Variants in DYM observed in about 807,000 individuals in gnomAD.
The protein encoded by DYM is dymeclin, also known as dyggve-Melchior-Clausen syndrome protein.
Under a neutral mutation model 93.1 loss-of-function variants are expected in DYM, and 78 were observed. The ratio of observed to expected loss-of-function variants is 0.84; its 90% CI spans 0.70 to 1.01. The LOEUF is 1.01. Among genes scored for constraint, DYM ranks in the 50% least tolerant of loss-of-function variants. The pLI is 0.00. For synonymous variants in DYM, 321 were observed against 319.7 expected (o/e 1.00, Z -0.04); for missense variants, 789 against 845.0 (o/e 0.93, Z 0.82).
chr18:49,083,305 T>C (rs917889530), intron 17 of DYM, among the ~76,000 whole-genome samples: 2 of 152,244 alleles, frequency 1.3e-5, no homozygotes, highest in Admixed American at 6.5e-5. Flanking sequence ...TGGCATATTA[T>C]ACTATTTCAG....
chr18:49,366,697 T>C (rs926675528), intron 5 of DYM, among the ~76,000 whole-genome samples: 7 of 152,170 alleles, frequency 4.6e-5, no homozygotes, highest in African/African-American at 1.7e-4. Flanking sequence ...CAGACAAATA[T>C]TTTAATATTT....
At chr18:49,221,026 C>T (rs1251568264) in intron 13 of DYM, among the ~76,000 whole-genome samples, 4 of 152,044 alleles carry the variant, frequency 2.6e-5, no homozygotes, top group African/African-American at 4.8e-5. Context: ...GGCTAATATC[C>T]GGAATCTACA....
chr18:49,455,560 T>G (rs1419317315), intron 1 of DYM, among the ~76,000 whole-genome samples: 2 of 152,060 alleles, frequency 1.3e-5, no homozygotes, highest in African/African-American at 4.8e-5. Flanking sequence ...TTCAAAAAGG[T>G]TGAGTAACAT....
chr18:49,134,087 T>C (rs548686498), intron 15 of DYM, among the ~76,000 whole-genome samples: 111 of 152,182 alleles, frequency 7.3e-4, no homozygotes, highest in African/African-American at 2.6e-3. Flanking sequence ...GAGAGATAAA[T>C]AGAGGGTAAT....
chr18:49,429,203 G>A (rs995272408), intron 2 of DYM, among the ~76,000 whole-genome samples: 1 of 152,198 alleles, frequency 6.6e-6, no homozygotes, highest in African/African-American at 2.4e-5. Context: ...CTTTCAAGAA[G>A]CCTTGTGATT....
At chr18:49,113,567 A>T (rs1375695781) in intron 16 of DYM, among the ~76,000 whole-genome samples, 1 of 152,170 alleles carries the variant, frequency 6.6e-6, no homozygotes, top group Non-Finnish European at 1.5e-5. Context: ...ATCAACTCTC[A>T]ACTCCCTGCC....
intron 2 of DYM, among the ~76,000 whole-genome samples, chr18:49,403,645 G>T (rs1029991791): frequency 3.9e-5 from 6 of 152,008 alleles, no homozygotes; most frequent in Non-Finnish European, 8.8e-5. Context: ...TGTTACATGG[G>T]TATATTGCAT....
intron 14 of DYM, among the ~76,000 whole-genome samples, chr18:49,186,088 G>C (rs1287899061): frequency 1.3e-5 from 2 of 152,038 alleles, no homozygotes; most frequent in African/African-American, 4.8e-5. Context: ...GATTTGTCCA[G>C]TCCCAGTTTA....
intron 17 of DYM, among the ~76,000 whole-genome samples, chr18:49,084,525 G>T (rs1248552742): frequency 6.6e-6 from 1 of 152,064 alleles, no homozygotes; most frequent in African/African-American, 2.4e-5. Context: ...CTATCTAGTT[G>T]TTCTACTACT....
At chr18:49,252,178 A>G (rs2094302184) in intron 13 of DYM, among the ~76,000 whole-genome samples, 2 of 129,012 alleles carry the variant, frequency 1.6e-5, no homozygotes, top group South Asian at 5.5e-4. Context: ...AGATTGTGCC[A>G]CTGCACTCCA....
chr18:49,413,807 C>G (rs1222329817), intron 2 of DYM, among the ~76,000 whole-genome samples: 6 of 152,088 alleles, frequency 3.9e-5, no homozygotes, highest in African/African-American at 1.4e-4. Context: ...GTCAGGAGTT[C>G]AAGACTAGCC....
In DYM at chr18:49,299,948, C is replaced by A. The variant is rs1317935130; in HGVS notation, c.764-13332G>T. Among the ~76,000 whole-genome samples the A allele has an allele frequency of 6.7e-5, 10 of 150,002 alleles. No homozygotes were observed. In the South Asian group the frequency reaches 2.1e-3, roughly 31 times the overall value. On this transcript the variant is annotated intron_variant, in intron 8 of 17. Transcript: ENST00000675505. Reference sequence around the variant, plus strand: ...GTCCCAGCTACTCGGGAGGCTGAAGCAGGAGAATGGCATAAACCCGGGAGA... The same window carrying A: ...GTCCCAGCTACTCGGGAGGCTGAAGAAGGAGAATGGCATAAACCCGGGAGA...
At chr18:49,386,897 C>G (rs1192482813) in intron 3 of DYM, among the ~76,000 whole-genome samples, 3 of 151,798 alleles carry the variant, frequency 2.0e-5, no homozygotes, top group Non-Finnish European at 4.4e-5. Flanking sequence ...CTTCATGTCT[C>G]TGCATCACGT....
At chr18:49,250,518 C>T (rs117406288) in intron 13 of DYM, among the ~76,000 whole-genome samples, 1,592 of 152,304 alleles carry the variant, frequency 0.01, 16 homozygotes, top group Non-Finnish European at 0.014. Context: ...CCATGGGCTG[C>T]TACGAAGAGA....
intron 6 of DYM, among the ~76,000 whole-genome samples, chr18:49,348,604 T>C (rs995095746): frequency 1.3e-5 from 2 of 150,452 alleles, no homozygotes; most frequent in Non-Finnish European, 3.0e-5. Context: ...ACTTTTTTTA[T>C]GATTTATAAA....
intron 3 of DYM, chr18:49,390,859 C>T (rs1420500151): frequency 6.5e-6 from 1 of 153,078 alleles, no homozygotes; most frequent in Admixed American, 6.5e-5. Context: ...ATTCCTGTAC[C>T]CTAGGTATTT....
At position 49,107,433 on chromosome 18, in the gene DYM, G is replaced by A. The variant is rs536725220; in HGVS notation, c.1912-9918C>T. ...TCAAAGTCATTCTCCGTCCAGCTTT[G>A]TTCCGTTGCTGGTGAGGAGCTGCGT... is the stretch of plus-strand genomic sequence containing the variant. On this transcript the variant is annotated intron_variant, in intron 16 of 17. Coordinates refer to ENST00000675505, the MANE Select transcript of DYM (RefSeq NM_001353214.3). Among the ~76,000 whole-genome samples the A allele has an allele frequency of 2.6e-5, 4 of 152,274 alleles. No homozygotes were observed. The East Asian group carries it at 5.8e-4, about 22-fold the overall frequency.
intron 14 of DYM, among the ~76,000 whole-genome samples, chr18:49,180,611 T>C (rs576959021): frequency 2.0e-5 from 3 of 152,290 alleles, no homozygotes; most frequent in Admixed American, 2.0e-4. Context: ...GCTAGCATCA[T>C]ATAATATTTA....
intron 14 of DYM, among the ~76,000 whole-genome samples, chr18:49,207,058 C>A (rs1373013188): frequency 6.6e-6 from 1 of 152,156 alleles, no homozygotes; most frequent in Non-Finnish European, 1.5e-5. Context: ...TTGTTTTTCC[C>A]TACTTTGTCT....
Sources: gnomAD v4.1 joint callset for allele counts (sites outside exome capture counted in the v4.1 genomes callset) on GRCh38, gnomAD v4.1.1 for gene constraint, MANE v1.5 for transcripts, NCBI Gene and HGNC (gene_info 2026-07-23, HGNC 2026-07-21) for gene names.